KCNC4: variants seen among roughly 807,000 people sequenced by gnomAD.
The protein encoded by KCNC4 is potassium voltage-gated channel subfamily C member 4.
Under a neutral mutation model 42.8 loss-of-function variants are expected in KCNC4, and 23 were observed. The observed-to-expected ratio is 0.54, with a 90% CI of 0.39 to 0.76. The LOEUF is 0.76. Among genes scored for constraint, KCNC4 ranks in the 30% least tolerant of loss-of-function variants. The probability of loss-of-function intolerance (pLI) is 0.00; values close to 1 mark genes in which losing one functional copy is unlikely to be tolerated. For synonymous variants in KCNC4, 422 were observed against 393.5 expected, an observed-to-expected ratio of 1.07 and a Z score of -0.86; for missense variants, 751 against 898.2, an observed-to-expected ratio of 0.84 and a Z score of 2.10.
At chr1:110,258,306 C>T (rs774436434) in intron 1 of KCNC4, among the ~76,000 whole-genome samples, 5 of 152,176 alleles carry the variant, frequency 3.3e-5, no homozygotes, top group African/African-American at 9.6e-5. Context: ...GGCGTGATCT[C>T]GGCTCACTGC....
At chr1:110,218,952 TC>T (rs1428681412) in intron 1 of KCNC4, among the ~76,000 whole-genome samples, 1 of 152,132 alleles carries the variant, frequency 6.6e-6, no homozygotes, top group Non-Finnish European at 1.5e-5. Flanking sequence ...GCTGAGACCC[TC>T]CTGCATCCTC....
chr1:110,255,479 C>T (rs535113901), intron 1 of KCNC4, among the ~76,000 whole-genome samples: 14 of 152,254 alleles, frequency 9.2e-5, no homozygotes, highest in East Asian at 3.9e-4. Context: ...AGATGCTTAG[C>T]GGGGCTGGAG....
intron 1 of KCNC4, chr1:110,256,663 C>T (rs944880923): frequency 6.6e-5 from 10 of 152,566 alleles, no homozygotes; most frequent in African/African-American, 2.4e-4. Context: ...GCCTTGCTCG[C>T]TCCAGGCCCG....
chr1:110,215,440 C>T (rs1476985088), intron 1 of KCNC4, among the ~76,000 whole-genome samples: 1 of 152,246 alleles, frequency 6.6e-6, no homozygotes, highest in African/African-American at 2.4e-5. Context: ...ACCTTCTTTT[C>T]TGAGAGCAGA....
chr1:110,248,654 A>G (rs910569485), exon 4 of KCNC4: 6 of 152,228 alleles, frequency 3.9e-5, no homozygotes, highest in Non-Finnish European at 8.8e-5. Context: ...AATGAGTTCA[A>G]TAAAATCTTT....
rs3062031 is a variant in KCNC4, at chr1:110,276,299, C to CAAAAAAAAAA, written n.31-6221_31-6212dup. ...TGCACTTATATCCTTTCAATTTATACAAAAAAAAAAAAAAAAAAAAAAAGG... is the reference window on the plus strand; with the variant it reads ...TGCACTTATATCCTTTCAATTTATACAAAAAAAAAAAAAAAAAAAAAAAAAAAAAAAAAGG... On this transcript the variant is annotated intron_variant and non_coding_transcript_variant, in intron 1 of 2. Coordinates refer to the KCNC4 transcript ENST00000412512. Among the ~76,000 whole-genome samples, 3 of 98,890 alleles carry CAAAAAAAAAA rather than the reference C, an allele frequency of 3.0e-5. 1 individual carries two copies. The highest frequency in any genetic ancestry group is 3.6e-5 in the African/African-American group (1 of 27,434). 64.9% of individuals were successfully genotyped at this position (98,890 alleles called of 152,430 possible).
At chr1:110,227,049 T>A (rs1571047640) in intron 3 of KCNC4, among the ~76,000 whole-genome samples, 1 of 152,216 alleles carries the variant, frequency 6.6e-6, no homozygotes, top group East Asian at 1.9e-4. Context: ...GCCCTGTCCC[T>A]GTTACCTAAC....
chr1:110,250,761 A>ACC (rs770295108), downstream of KCNC4, among the ~76,000 whole-genome samples: 2 of 151,918 alleles, frequency 1.3e-5, no homozygotes, highest in Admixed American at 1.3e-4. Context: ...GGAAAGGAAG[A>ACC]CCCCCTACAC....
At chr1:110,213,840 C>G (rs1415858231) in intron 1 of KCNC4, among the ~76,000 whole-genome samples, 3 of 152,138 alleles carry the variant, frequency 2.0e-5, no homozygotes, top group African/African-American at 2.4e-5. Context: ...ATCATTCAGA[C>G]TCTTTCAAAG....
intron 3 of KCNC4, among the ~76,000 whole-genome samples, chr1:110,228,375 A>T (rs1269408822): frequency 1.3e-5 from 2 of 152,044 alleles, no homozygotes; most frequent in Non-Finnish European, 2.9e-5. Flanking sequence ...GGGGCCCTGG[A>T]GTCTGTCCTC....
At chr1:110,270,812 C>T (rs1415453100) in intron 1 of KCNC4, among the ~76,000 whole-genome samples, 1 of 152,192 alleles carries the variant, frequency 6.6e-6, no homozygotes, top group East Asian at 1.9e-4. Flanking sequence ...CACAGGATGC[C>T]TGGCCTACCC....
chr1:110,238,539 A>G (rs924749995), downstream of KCNC4: 1 of 152,188 alleles, frequency 6.6e-6, no homozygotes, highest in African/African-American at 2.4e-5. Flanking sequence ...CATATGTGGC[A>G]TCTCTGTCCC....
exon 4 of KCNC4, chr1:110,248,452 TGTTTTTTTTTG>T (rs1026053405): frequency 2.1e-5 from 2 of 96,078 alleles, no homozygotes; most frequent in African/African-American, 5.6e-5. Flanking sequence ...TTTTTGTTTT[TGTTTTTTTTTG>T]GCCTGTTAGA....
At chr1:110,280,369 C>T (rs1385373371) in intron 1 of KCNC4, among the ~76,000 whole-genome samples, 1 of 151,992 alleles carries the variant, frequency 6.6e-6, no homozygotes, top group Non-Finnish European at 1.5e-5. Flanking sequence ...TGCTCTGTCT[C>T]CCTGCCAAGG....
intron 1 of KCNC4, among the ~76,000 whole-genome samples, chr1:110,263,678 T>A (rs1283794242): frequency 6.6e-6 from 1 of 152,128 alleles, no homozygotes; most frequent in Non-Finnish European, 1.5e-5. Context: ...GGAGACTGAT[T>A]GAGAGGTTCA....
At chr1:110,226,381 CG>C (rs1462905598) in intron 3 of KCNC4, 2 of 605,016 alleles carry the variant, frequency 3.3e-6, no homozygotes, top group Non-Finnish European at 3.0e-6. Context: ...GAAGGGCACA[CG>C]GCTCCCATCC....
intron 1 of KCNC4, among the ~76,000 whole-genome samples, chr1:110,217,083 T>C (rs1208956332): frequency 6.6e-6 from 1 of 152,134 alleles, no homozygotes; most frequent in Non-Finnish European, 1.5e-5. Context: ...AATCCAAAGA[T>C]GAGTCAGAGG....
intron 1 of KCNC4, among the ~76,000 whole-genome samples, chr1:110,219,139 AAC>A (rs1657962547): frequency 6.6e-6 from 1 of 152,214 alleles, no homozygotes; most frequent in African/African-American, 2.4e-5. Flanking sequence ...TCATCTGTAA[AAC>A]AGCAGAAATG....
chr1:110,212,252 GA>G (rs1321708965), intron 1 of KCNC4, 75 bp downstream of exon 1: 1 of 1,334,976 alleles, frequency 7.5e-7, no homozygotes, highest in African/African-American at 1.5e-5. Flanking sequence ...TAGGGGCCGG[GA>G]GGAGCAGGGA....
Sources: gnomAD v4.1 joint callset for allele counts (sites outside exome capture counted in the v4.1 genomes callset) on GRCh38, gnomAD v4.1.1 for gene constraint, MANE v1.5 for transcripts, NCBI Gene and HGNC (gene_info 2026-07-23, HGNC 2026-07-21) for gene names.